The following DENND5B variants were observed in gnomAD, a reference collection of about 807,000 sequenced individuals.
The protein encoded by DENND5B is DENN domain containing 5B.
A neutral mutation model predicts 140.6 loss-of-function variants in DENND5B; 34 were observed. The ratio of observed to expected loss-of-function variants is 0.24; its 90% CI spans 0.18 to 0.32. DENND5B has a LOEUF of 0.32. Ranked by LOEUF, DENND5B falls within the 10% of genes least tolerant of loss-of-function variation. The pLI is 1.00. For missense variants in DENND5B, 1,142 were observed against 1,560.2 expected, an observed-to-expected ratio of 0.73 and a Z score of 4.52; for synonymous variants, 551 against 562.1, an observed-to-expected ratio of 0.98 and a Z score of 0.28.
rs1941858522 is a variant in DENND5B, at chr12:31,402,505, G to A, written c.2942C>T (p.Thr981Ile). 1.2e-6 allele frequency: 2 copies of A among 1,613,064 alleles called. No homozygotes were observed. Among genetic ancestry groups the A allele is most frequent in the South Asian group, 1.1e-5 (1 of 90,806 alleles). ...MQIPKNLLEMTFECQNLGKLT... is the reference protein window; with the variant it reads ...MQIPKNLLEMIFECQNLGKLT... ...GGTATTAGCTGAACCTACCTCAAAGGTCATTTCGAGGAGGTTTTTGGGAAT... is the reference window on the plus strand; with the variant it reads ...GGTATTAGCTGAACCTACCTCAAAGATCATTTCGAGGAGGTTTTTGGGAAT... The change falls in exon 15 of 21, where the codon ACC becomes ATC. Residue 981 changes from threonine (T) to isoleucine (I), a missense_variant. By Grantham distance (89) the Thr-to-Ile change is moderately conservative (BLOSUM62 -1). Transcript: ENST00000389082.
intron 1 of DENND5B, among the ~76,000 whole-genome samples, chr12:31,534,336 T>C (rs1948406801): frequency 6.6e-6 from 1 of 152,056 alleles, no homozygotes; most frequent in African/African-American, 2.4e-5. Flanking sequence ...TTTATTTTTA[T>C]TTTTACTTTT....
chr12:31,507,920 CATT>C (rs1303412656), intron 1 of DENND5B, among the ~76,000 whole-genome samples: 1 of 152,122 alleles, frequency 6.6e-6, no homozygotes, highest in Non-Finnish European at 1.5e-5. Flanking sequence ...ATTAGAAACA[CATT>C]ATTAATTATT....
intron 1 of DENND5B, among the ~76,000 whole-genome samples, chr12:31,542,132 A>G (rs1417147175): frequency 6.6e-6 from 1 of 151,920 alleles, no homozygotes; most frequent in African/African-American, 2.4e-5. Flanking sequence ...CTAAAAATAC[A>G]AAAAAATTAG....
At chr12:31,524,610 A>G (rs1185774031) in intron 1 of DENND5B, among the ~76,000 whole-genome samples, 1 of 152,146 alleles carries the variant, frequency 6.6e-6, no homozygotes, top group Non-Finnish European at 1.5e-5. Flanking sequence ...CTGAGACTGC[A>G]CCATTGCACT....
At chr12:31,558,564 T>G (rs1949374193) in intron 1 of DENND5B, among the ~76,000 whole-genome samples, 1 of 152,220 alleles carries the variant, frequency 6.6e-6, no homozygotes, top group Non-Finnish European at 1.5e-5. Context: ...TTTACAAAGT[T>G]TATTCTGACC....
chr12:31,410,939 G>C (rs910810912), intron 13 of DENND5B, among the ~76,000 whole-genome samples: 4 of 152,016 alleles, frequency 2.6e-5, no homozygotes, highest in African/African-American at 9.7e-5. Flanking sequence ...TAGAAGAAAA[G>C]TACAGAAGAA....
chr12:31,520,980 CAGTG>C (rs1476723646), intron 1 of DENND5B, among the ~76,000 whole-genome samples: 3 of 152,032 alleles, frequency 2.0e-5, no homozygotes, highest in African/African-American at 7.3e-5. Context: ...CTTTGAAATC[CAGTG>C]AGTATTTTAC....
intron 1 of DENND5B, among the ~76,000 whole-genome samples, chr12:31,556,941 G>T (rs917784278): frequency 6.6e-6 from 1 of 152,116 alleles, no homozygotes; most frequent in Non-Finnish European, 1.5e-5. Flanking sequence ...CCCACTAGGA[G>T]GTTCTCCTCA....
intron 1 of DENND5B, among the ~76,000 whole-genome samples, chr12:31,524,153 G>A (rs771786881): frequency 6.6e-6 from 1 of 150,542 alleles, no homozygotes; most frequent in Non-Finnish European, 1.5e-5. Flanking sequence ...AAAGACAGTA[G>A]TAAACATAGG....
intron 1 of DENND5B, among the ~76,000 whole-genome samples, chr12:31,539,869 C>T (rs1273338276): frequency 1.3e-5 from 2 of 151,690 alleles, no homozygotes; most frequent in African/African-American, 4.8e-5. Flanking sequence ...TACTAGAAGT[C>T]CTAGCTAGAG....
intron 4 of DENND5B, among the ~76,000 whole-genome samples, chr12:31,454,812 CT>C (rs201720111): frequency 0.017 from 1,600 of 93,736 alleles, 2 homozygotes; most frequent in African/African-American, 0.076. Context: ...GATTCAGTAT[CT>C]TTTTTTTTTT....
chr12:31,588,136 T>G (rs936757682), intron 1 of DENND5B, among the ~76,000 whole-genome samples: 6 of 152,172 alleles, frequency 3.9e-5, no homozygotes, highest in Admixed American at 2.6e-4. Context: ...CAGCACAAAC[T>G]AGTGACTGTC....
At chr12:31,536,168 T>C (rs1245129576) in intron 1 of DENND5B, among the ~76,000 whole-genome samples, 1 of 152,140 alleles carries the variant, frequency 6.6e-6, no homozygotes, top group East Asian at 1.9e-4. Flanking sequence ...ACGTTACCTG[T>C]ACAGCCTGTG....
At chr12:31,461,994 G>T (rs2617194) in intron 3 of DENND5B, among the ~76,000 whole-genome samples, 11,819 of 151,998 alleles carry the variant, frequency 0.078, 1,031 homozygotes, top group African/African-American at 0.22. Context: ...TACCTTTTTG[G>T]TAATGAATCA....
intron 2 of DENND5B, among the ~76,000 whole-genome samples, chr12:31,481,127 T>G (rs1029121054): frequency 6.6e-6 from 1 of 152,252 alleles, no homozygotes; most frequent in African/African-American, 2.4e-5. Flanking sequence ...TATTCATATT[T>G]AGATATTTCT....
intron 1 of DENND5B, among the ~76,000 whole-genome samples, chr12:31,517,692 G>C (rs370008561): frequency 6.6e-6 from 1 of 152,270 alleles, no homozygotes; most frequent in South Asian, 2.1e-4. Flanking sequence ...AAACTAGTAG[G>C]GGTGCTTTTA....
intron 1 of DENND5B, among the ~76,000 whole-genome samples, chr12:31,556,085 C>T (rs976334291): frequency 3.3e-5 from 5 of 152,230 alleles, no homozygotes; most frequent in Non-Finnish European, 7.3e-5. Context: ...GTCTGGCACT[C>T]CCCAGTGAGA....
At chr12:31,491,387 A>G (rs1724919151) in intron 2 of DENND5B, among the ~76,000 whole-genome samples, 3 of 152,164 alleles carry the variant, frequency 2.0e-5, no homozygotes, top group Admixed American at 1.3e-4. Flanking sequence ...CCGGAGGCAG[A>G]GGTTGTAAGT....
At chr12:31,387,896 T>G (rs1478160840) in intron 20 of DENND5B, 110 bp from the exon 21 acceptor site, 22 of 1,132,704 alleles carry the variant, frequency 1.9e-5, no homozygotes, top group Non-Finnish European at 2.7e-5. Flanking sequence ...TGGTACAAAA[T>G]GTATCCAAGC....
Sources: allele counts gnomAD v4.1 joint callset (sites outside exome capture counted in the v4.1 genomes callset), GRCh38; gene constraint gnomAD v4.1.1; transcripts MANE v1.5; gene names NCBI Gene and HGNC (gene_info 2026-07-23, HGNC 2026-07-21).